The following CDH2 variants were observed in gnomAD, a reference collection of about 807,000 sequenced individuals.
CDH2 encodes the protein cadherin-2.
A neutral mutation model predicts 92.0 loss-of-function variants in CDH2; 17 were observed. That is an observed-to-expected ratio of 0.18 (90% CI 0.13 to 0.28). The LOEUF (loss-of-function observed/expected upper bound fraction) is 0.28. Among genes scored for constraint, CDH2 ranks in the 10% least tolerant of loss-of-function variants. The pLI is 1.00. For missense variants in CDH2, 862 were observed against 1,133.1 expected (o/e 0.76, Z 3.44); for synonymous variants, 419 against 415.9 (o/e 1.01, Z -0.09).
chr18:27,963,324 ACT>A (rs2011456256), intron 15 of CDH2, 31 bp downstream of exon 15: 8 of 1,602,108 alleles, frequency 5.0e-6, no homozygotes, highest in Middle Eastern at 1.7e-4. Flanking sequence ...TGAAATGAAA[ACT>A]CTTATAGAGA....
At chr18:28,076,335 G>T (rs2014718227) in intron 2 of CDH2, among the ~76,000 whole-genome samples, 1 of 152,082 alleles carries the variant, frequency 6.6e-6, no homozygotes, top group Non-Finnish European at 1.5e-5. Context: ...CTATTTGCTA[G>T]CTGGATGTAC....
chr18:28,125,823 C>T (rs910279582), intron 2 of CDH2, among the ~76,000 whole-genome samples: 5 of 150,150 alleles, frequency 3.3e-5, no homozygotes, highest in Non-Finnish European at 7.4e-5. Context: ...ATCCAGAGAT[C>T]AGTACTCCTG....
At chr18:27,960,227 G>GA (rs111266953) in intron 15 of CDH2, among the ~76,000 whole-genome samples, 2,764 of 152,236 alleles carry the variant, frequency 0.018, 97 homozygotes, top group African/African-American at 0.062. Context: ...TGGGATCTGT[G>GA]ATCTGAGGGA....
intron 2 of CDH2, among the ~76,000 whole-genome samples, chr18:28,098,239 T>C (rs1239077183): frequency 6.6e-6 from 1 of 152,012 alleles, no homozygotes; most frequent in Non-Finnish European, 1.5e-5. Flanking sequence ...TCAGGAAAAA[T>C]AACTTAAAAT....
At chr18:28,103,432 T>C (rs1223054528) in intron 2 of CDH2, among the ~76,000 whole-genome samples, 1 of 122,914 alleles carries the variant, frequency 8.1e-6, no homozygotes, top group African/African-American at 3.4e-5. Flanking sequence ...TATACATATA[T>C]GAAGTATGTT....
At chr18:28,141,564 C>A (rs2015953685) in intron 2 of CDH2, among the ~76,000 whole-genome samples, 1 of 150,962 alleles carries the variant, frequency 6.6e-6, no homozygotes, top group African/African-American at 2.4e-5. Flanking sequence ...CTAATCCCTT[C>A]TTCTAATTCC....
At chr18:28,029,706 G>A (rs1170932483) in intron 2 of CDH2, among the ~76,000 whole-genome samples, 1 of 152,044 alleles carries the variant, frequency 6.6e-6, no homozygotes, top group Non-Finnish European at 1.5e-5. Context: ...GCCATCTCAG[G>A]TATGCTCCAG....
intron 6 of CDH2, among the ~76,000 whole-genome samples, chr18:27,944,786 C>T (rs1400570876): frequency 6.8e-6 from 1 of 146,862 alleles, no homozygotes; most frequent in Non-Finnish European, 1.5e-5. Context: ...AGGCCAGGCA[C>T]ACCCTAGTCC....
chr18:28,015,772 A>T (rs900420938), intron 2 of CDH2, among the ~76,000 whole-genome samples: 18 of 152,266 alleles, frequency 1.2e-4, no homozygotes, highest in African/African-American at 4.3e-4. Flanking sequence ...TGGTCATGGC[A>T]TGCCCACTGC....
In CDH2 at chr18:28,147,643, C is replaced by T. The variant is rs200642146; in HGVS notation, c.172+30G>A. On this transcript the variant is annotated intron_variant, in intron 2 of 15. Transcript: ENST00000269141. ...ATTTGTTTCATGAGCATGGACACTG[C>T]ATGTACAAATATATCTTTTGAGATA... 27 of 1,316,340 alleles carry T rather than the reference C, an allele frequency of 2.1e-5. No homozygotes were observed. The African/African-American group carries it at 3.5e-4, about 17-fold the overall frequency. 81.5% of individuals were successfully genotyped at this position (1,316,340 alleles called of 1,614,324 possible). A position where few individuals can be genotyped will look rare whatever the true frequency, so the allele number is the denominator to read the frequency against.
chr18:27,940,266 A>G (rs1395059692), intron 6 of CDH2, among the ~76,000 whole-genome samples: 1 of 152,192 alleles, frequency 6.6e-6, no homozygotes, highest in Non-Finnish European at 1.5e-5. Flanking sequence ...ATGAGACCCC[A>G]ACAATACTTT....
chr18:27,967,897 A>C (rs1180253735), intron 14 of CDH2, among the ~76,000 whole-genome samples: 2 of 152,232 alleles, frequency 1.3e-5, no homozygotes. Flanking sequence ...CAATAAAATA[A>C]AATGTTGCAT....
intron 2 of CDH2, among the ~76,000 whole-genome samples, chr18:28,015,950 G>GC (rs2013233571): frequency 6.6e-6 from 1 of 152,156 alleles, no homozygotes; most frequent in Non-Finnish European, 1.5e-5. Context: ...GAGAGAGGCT[G>GC]CAGTCATCCC....
At chr18:28,056,233 C>A (rs1377667381) in intron 2 of CDH2, among the ~76,000 whole-genome samples, 2 of 151,978 alleles carry the variant, frequency 1.3e-5, no homozygotes, top group African/African-American at 4.8e-5. Context: ...TAGGTATGAC[C>A]AAGCTGGCTA....
rs761947830 is a variant in CDH2 at position 27,993,515 on chromosome 18, C to T, written c.1143G>A (p.Glu381=). 4 of 1,613,964 alleles carry T rather than the reference C, an allele frequency of 2.5e-6. No individual in the cohort carries two copies. The highest frequency in any genetic ancestry group is 3.4e-6 in the Non-Finnish European group (4 of 1,179,908). Residue 381 remains glutamate (E), a synonymous_variant, in exon 8 of 16, where the codon GAG becomes GAA. Coordinates refer to ENST00000269141, the MANE Select transcript of CDH2 (RefSeq NM_001792.5). Reference sequence around the variant, plus strand: ...CTGTACTCACCGTCATGGCAGTAAACTCTGGAGGATTGTCATTGACATCTG... The same window carrying T: ...CTGTACTCACCGTCATGGCAGTAAATTCTGGAGGATTGTCATTGACATCTG... ...TVTDVNDNPP[E]FTAMTFYGEV...
chr18:28,084,228 G>A (rs1183200107), intron 2 of CDH2, among the ~76,000 whole-genome samples: 4 of 152,048 alleles, frequency 2.6e-5, no homozygotes, highest in African/African-American at 7.2e-5. Flanking sequence ...CTGAGAACTC[G>A]CAAGCAATAC....
intron 2 of CDH2, among the ~76,000 whole-genome samples, chr18:28,138,800 C>T (rs966416733): frequency 6.6e-6 from 1 of 152,026 alleles, no homozygotes; most frequent in Non-Finnish European, 1.5e-5. Context: ...CTCTGTGTGA[C>T]GCCAAAGTCA....
intron 2 of CDH2, among the ~76,000 whole-genome samples, chr18:28,132,952 T>G (rs775566799): frequency 2.0e-5 from 3 of 152,102 alleles, no homozygotes; most frequent in African/African-American, 7.3e-5. Context: ...TAGTTCAGAT[T>G]TGGGGGGAGT....
At chr18:28,153,324 T>C (rs1191286755) in intron 1 of CDH2, among the ~76,000 whole-genome samples, 1 of 152,206 alleles carries the variant, frequency 6.6e-6, no homozygotes, top group African/African-American at 2.4e-5. Flanking sequence ...TTGCTGCTGA[T>C]TTTGGGTCCT....
Sources: allele counts gnomAD v4.1 joint callset (sites outside exome capture counted in the v4.1 genomes callset), GRCh38; gene constraint gnomAD v4.1.1; transcripts MANE v1.5; gene names NCBI Gene and HGNC (gene_info 2026-07-23, HGNC 2026-07-21).